The following ADCY2 variants were observed in gnomAD, a reference collection of about 807,000 sequenced individuals.
ADCY2 encodes the protein adenylate cyclase 2.
A neutral mutation model predicts 125.2 loss-of-function variants in ADCY2; 31 were observed. The ratio of observed to expected loss-of-function variants is 0.25; its 90% CI spans 0.19 to 0.33. ADCY2 has a LOEUF of 0.33. Among genes scored for constraint, ADCY2 ranks in the 10% least tolerant of loss-of-function variants. The pLI, the probability that ADCY2 is intolerant of heterozygous loss-of-function variation, is 1.00. For missense variants in ADCY2, 904 were observed against 1,418.2 expected (o/e 0.64, Z 5.82); for synonymous variants, 512 against 548.4 (o/e 0.93, Z 0.93).
intron 3 of ADCY2, among the ~76,000 whole-genome samples, chr5:7,613,623 A>G (rs1368606782): frequency 1.3e-5 from 2 of 152,190 alleles, no homozygotes; most frequent in Admixed American, 1.3e-4. Context: ...TTGGCGTTTC[A>G]TCTCATAGGC....
At chr5:7,436,765 C>G (rs1345675281) in intron 2 of ADCY2, among the ~76,000 whole-genome samples, 1 of 152,202 alleles carries the variant, frequency 6.6e-6, no homozygotes, top group African/African-American at 2.4e-5. Flanking sequence ...TAAAGAGAGC[C>G]TAAGGATAAC....
chr5:7,788,330 C>A (rs1257150678), intron 19 of ADCY2, among the ~76,000 whole-genome samples: 1 of 152,098 alleles, frequency 6.6e-6, no homozygotes, highest in Non-Finnish European at 1.5e-5. Flanking sequence ...CAGGCGCGCA[C>A]AACCAGGCCC....
At chr5:7,822,805 C>T (rs989634) in intron 24 of ADCY2, among the ~76,000 whole-genome samples, 82,132 of 152,004 alleles carry the variant, frequency 0.54, 22,530 homozygotes, top group Middle Eastern at 0.63. Context: ...GTTTCACCCC[C>T]GTTATGTTAC....
chr5:7,441,457 A>G (rs1741011863), intron 2 of ADCY2, among the ~76,000 whole-genome samples: 2 of 152,034 alleles, frequency 1.3e-5, no homozygotes, highest in Non-Finnish European at 2.9e-5. Context: ...AAGTTAATGG[A>G]CATGTACACA....
At chr5:7,433,945 T>C (rs1256300492) in intron 2 of ADCY2, among the ~76,000 whole-genome samples, 1 of 152,154 alleles carries the variant, frequency 6.6e-6, no homozygotes, top group South Asian at 2.1e-4. Flanking sequence ...TAAAAATTCA[T>C]TAAAATACAA....
At chr5:7,660,298 A>AGGAAGGAC (rs993327073) in intron 4 of ADCY2, among the ~76,000 whole-genome samples, 1 of 146,898 alleles carries the variant, frequency 6.8e-6, no homozygotes, top group Non-Finnish European at 1.5e-5. Flanking sequence ...GAAGGAAGGA[A>AGGAAGGAC]GGACTGTGAG....
chr5:7,823,635 C>T (rs1745371858), intron 24 of ADCY2, among the ~76,000 whole-genome samples: 2 of 152,294 alleles, frequency 1.3e-5, no homozygotes, highest in Admixed American at 1.3e-4. Flanking sequence ...CTCACTTTCC[C>T]ACCTGCAGGC....
intron 3 of ADCY2, among the ~76,000 whole-genome samples, chr5:7,617,628 T>C (rs766566069): frequency 4.6e-5 from 7 of 152,174 alleles, no homozygotes; most frequent in Non-Finnish European, 1.0e-4. Context: ...ACTTGGTGTT[T>C]GGGGCAAAAA....
At chr5:7,669,986 CT>C (rs1440660607) in intron 4 of ADCY2, among the ~76,000 whole-genome samples, 2 of 152,204 alleles carry the variant, frequency 1.3e-5, no homozygotes, top group Non-Finnish European at 2.9e-5. Flanking sequence ...AACATATGGG[CT>C]TTCTGTGTTT....
intron 2 of ADCY2, among the ~76,000 whole-genome samples, chr5:7,469,520 A>G (rs1445031455): frequency 1.3e-5 from 2 of 151,838 alleles, no homozygotes; most frequent in Non-Finnish European, 2.9e-5. Context: ...TATATGTTTC[A>G]TATATATATC....
At chr5:7,557,135 T>TTATATATA (rs60652060) in intron 3 of ADCY2, among the ~76,000 whole-genome samples, 2,353 of 77,518 alleles carry the variant, frequency 0.03, 80 homozygotes, top group African/African-American at 0.077. Flanking sequence ...CAAAAACAGT[T>TTATATATA]TATATATATA....
At chr5:7,430,119 C>A (rs1740534870) in intron 2 of ADCY2, among the ~76,000 whole-genome samples, 1 of 151,862 alleles carries the variant, frequency 6.6e-6, no homozygotes, top group Non-Finnish European at 1.5e-5. Context: ...ATAAAATGGG[C>A]AAATTTATTG....
At position 7,494,932 on chromosome 5, in the gene ADCY2, C is replaced by T. The variant is rs190923442; in HGVS notation, c.409-25806C>T. ...AAACCAAGCTTCTCTGAGAGAACAC[C>T]GGACCAGCTGCCATGTTGTGGATGT... On this transcript the variant is annotated intron_variant, in intron 2 of 24. Coordinates refer to ENST00000338316, the MANE Select transcript of ADCY2 (RefSeq NM_020546.3). Among the ~76,000 whole-genome samples the T allele has an allele frequency of 1.4e-3, 206 of 152,324 alleles. 2 individuals carry two copies. Among genetic ancestry groups the T allele is most frequent in the Non-Finnish European group, 2.2e-3 (151 of 68,038 alleles).
intron 2 of ADCY2, among the ~76,000 whole-genome samples, chr5:7,500,507 G>T (rs1292667270): frequency 6.6e-6 from 1 of 152,142 alleles, no homozygotes; most frequent in Non-Finnish European, 1.5e-5. Flanking sequence ...GTGTGTCCCC[G>T]TGCTATGATG....
At position 7,712,835 on chromosome 5, in the gene ADCY2, TA is replaced by T; in HGVS notation, c.1579-19del. 1 of 1,571,914 alleles carries T rather than the reference TA, an allele frequency of 6.4e-7. No homozygotes were observed. The highest frequency in any genetic ancestry group is 8.7e-7 in the Non-Finnish European group (1 of 1,146,112). The stretch of plus-strand genomic sequence containing the variant: ...TCTTGAAACATGTTTTGACAATTAA[TA>T]ACCTTTTTTCTCAATATAGGATGTA... On this transcript the variant is annotated intron_variant, in intron 10 of 24. Transcript: ENST00000338316.
At chr5:7,620,938 T>A (rs978620319) in intron 3 of ADCY2, among the ~76,000 whole-genome samples, 2 of 151,944 alleles carry the variant, frequency 1.3e-5, no homozygotes, top group African/African-American at 2.4e-5. Flanking sequence ...ATTTCCCTCA[T>A]TACCAGGAGC....
intron 3 of ADCY2, among the ~76,000 whole-genome samples, chr5:7,540,004 T>C (rs1023174005): frequency 6.6e-6 from 1 of 152,184 alleles, no homozygotes; most frequent in Non-Finnish European, 1.5e-5. Flanking sequence ...CCAAAACAAC[T>C]CTTTCTCTTG....
At chr5:7,600,179 A>G (rs1218168341) in intron 3 of ADCY2, among the ~76,000 whole-genome samples, 1 of 152,204 alleles carries the variant, frequency 6.6e-6, no homozygotes, top group African/African-American at 2.4e-5. Flanking sequence ...AAGAAACTTG[A>G]TAGAGATAAA....
At chr5:7,463,262 G>A (rs1192198977) in intron 2 of ADCY2, among the ~76,000 whole-genome samples, 1 of 152,058 alleles carries the variant, frequency 6.6e-6, no homozygotes, top group East Asian at 1.9e-4. Flanking sequence ...CTATCATTGT[G>A]TCTCTGCTAA....
Sources: gnomAD v4.1 joint callset for allele counts (sites outside exome capture counted in the v4.1 genomes callset) on GRCh38, gnomAD v4.1.1 for gene constraint, MANE v1.5 for transcripts, NCBI Gene and HGNC (gene_info 2026-07-23, HGNC 2026-07-21) for gene names.